The following MYO5B variants were observed in gnomAD, a reference collection of about 807,000 sequenced individuals.
The protein encoded by MYO5B is myosin VB.
In MYO5B, 143 loss-of-function variants were observed where a neutral mutation model predicts 229.3. The observed-to-expected ratio is 0.62, with a 90% confidence interval of 0.54 to 0.72. MYO5B has a LOEUF of 0.72. Among genes scored for constraint, MYO5B ranks in the 30% least tolerant of loss-of-function variants. The probability of loss-of-function intolerance (pLI) is 0.00; values close to 1 mark genes in which losing one functional copy is unlikely to be tolerated. For missense variants in MYO5B, 2,321 were observed against 2,331.0 expected (o/e 1.00, Z 0.09); for synonymous variants, 918 against 885.2 (o/e 1.04, Z -0.66).
At chr18:50,127,029 C>A (rs2032175158) in intron 1 of MYO5B, among the ~76,000 whole-genome samples, 1 of 152,184 alleles carries the variant, frequency 6.6e-6, no homozygotes, top group Non-Finnish European at 1.5e-5. Flanking sequence ...TTCTCATAAT[C>A]ATTATTACCT....
intron 25 of MYO5B, among the ~76,000 whole-genome samples, chr18:49,876,719 C>T (rs1017167304): frequency 3.3e-5 from 5 of 152,122 alleles, no homozygotes; most frequent in African/African-American, 9.7e-5. Context: ...CTTAAAAGAC[C>T]GCAATGCAAA....
chr18:49,871,740 T>G (rs1175114037), intron 27 of MYO5B: 2 of 253,962 alleles, frequency 7.9e-6, no homozygotes, highest in African/African-American at 4.4e-5. Flanking sequence ...TCTTTGAGGA[T>G]GGGAATGGGG....
At chr18:49,977,367 C>T (rs2144287476) in intron 9 of MYO5B, among the ~76,000 whole-genome samples, 1 of 152,172 alleles carries the variant, frequency 6.6e-6, no homozygotes, top group Non-Finnish European at 1.5e-5. Context: ...TCATGGAGCA[C>T]ATTCTCATGC....
intron 1 of MYO5B, among the ~76,000 whole-genome samples, chr18:50,169,106 A>G (rs1195247282): frequency 8.1e-6 from 1 of 123,108 alleles, no homozygotes; most frequent in Non-Finnish European, 1.7e-5. Flanking sequence ...AAGAATTGAG[A>G]CCATCCTGGG....
chr18:49,912,613 A>G (rs911028970), intron 17 of MYO5B, among the ~76,000 whole-genome samples: 4 of 152,180 alleles, frequency 2.6e-5, no homozygotes, highest in African/African-American at 9.7e-5. Flanking sequence ...TGGTGGTTTT[A>G]CAAGGGGTTT....
chr18:50,194,683 C>T, intron 1 of MYO5B, 84 bp downstream of exon 1: 1 of 1,000,442 alleles, frequency 1.0e-6, no homozygotes, highest in Non-Finnish European at 1.5e-6. Context: ...CTCCAGTAGC[C>T]GAGGGAGAAG....
In MYO5B at chr18:49,929,610, G is replaced by T; in HGVS notation, c.2004-12C>A. On this transcript the variant is annotated splice_polypyrimidine_tract_variant and intron_variant, in intron 16 of 39. Coordinates refer to ENST00000285039, the MANE Select transcript of MYO5B (RefSeq NM_001080467.3). ...TCTTTGGGTCAAAGCTGCCAAAGGA[G>T]AAAAAAAAAAAAAAAAGCAAGACAA... 2.6e-4 allele frequency: 340 copies of T among 1,288,030 alleles called. No homozygotes were observed. Among genetic ancestry groups the T allele is most frequent in the Non-Finnish European group, 3.3e-4 (311 of 944,174 alleles). The allele number at this position is 1,288,030 out of a possible 1,614,324, so 79.8% of individuals were successfully genotyped here.
chr18:49,965,106 T>C (rs1005063519), intron 10 of MYO5B, among the ~76,000 whole-genome samples: 11 of 152,162 alleles, frequency 7.2e-5, no homozygotes, highest in Admixed American at 4.6e-4. Context: ...TAGTTCTTAC[T>C]ACAGTAGGAA....
chr18:50,190,905 G>T (rs2033217517), intron 1 of MYO5B, among the ~76,000 whole-genome samples: 1 of 152,162 alleles, frequency 6.6e-6, no homozygotes. Flanking sequence ...TTAGCATAAT[G>T]GGTAATTATT....
intron 29 of MYO5B, among the ~76,000 whole-genome samples, chr18:49,860,016 G>T (rs1326273501): frequency 6.6e-6 from 1 of 152,176 alleles, no homozygotes; most frequent in South Asian, 2.1e-4. Context: ...ATAACCCCAG[G>T]TGCGCCCGAC....
At chr18:49,949,798 G>A (rs1483370370) in intron 14 of MYO5B, among the ~76,000 whole-genome samples, 1 of 152,134 alleles carries the variant, frequency 6.6e-6, no homozygotes, top group Admixed American at 6.5e-5. Context: ...TAATGACATA[G>A]AAACTTGTAT....
At chr18:50,103,732 C>T (rs1015452401) in intron 1 of MYO5B, among the ~76,000 whole-genome samples, 2 of 151,914 alleles carry the variant, frequency 1.3e-5, no homozygotes, top group Non-Finnish European at 2.9e-5. Flanking sequence ...CAGAGCAAGA[C>T]CTTGTCTCCT....
intron 1 of MYO5B, among the ~76,000 whole-genome samples, chr18:50,146,416 G>T (rs969154743): frequency 6.6e-6 from 1 of 152,210 alleles, no homozygotes; most frequent in African/African-American, 2.4e-5. Flanking sequence ...TGACCTGACT[G>T]CCCGCTGGAG....
intron 1 of MYO5B, chr18:50,097,572 G>C (rs975650297): frequency 4.1e-6 from 1 of 242,568 alleles, no homozygotes; most frequent in African/African-American, 2.3e-5. Context: ...TGTAAGTTCT[G>C]GTCTGTTAAA....
intron 9 of MYO5B, among the ~76,000 whole-genome samples, chr18:49,975,720 T>G (rs1334692804): frequency 1.3e-5 from 2 of 152,092 alleles, no homozygotes; most frequent in Non-Finnish European, 1.5e-5. Flanking sequence ...TTTAGGCCTC[T>G]TTTCCTACAG....
intron 1 of MYO5B, among the ~76,000 whole-genome samples, chr18:50,110,780 C>A (rs2031851509): frequency 6.6e-6 from 1 of 152,072 alleles, no homozygotes. Flanking sequence ...GGGCTATAAA[C>A]CACCTAGAAG....
chr18:49,992,439 G>A lies in MYO5B; in HGVS notation c.613-8C>T, dbSNP rs2025943701. On this transcript the variant is annotated splice_polypyrimidine_tract_variant and splice_region_variant and intron_variant, in intron 5 of 39. Coordinates refer to ENST00000285039, the MANE Select transcript of MYO5B (RefSeq NM_001080467.3). The stretch of plus-strand genomic sequence containing the variant: ...CTTGGCATTTCCAATGGCCTGCACA[G>A]ACCAGACAGACAAAGGTATGAAAAA... 6.2e-7 allele frequency: 1 copy of A among 1,613,904 alleles called. No individual in the cohort carries two copies. Among genetic ancestry groups the A allele is most frequent in the African/African-American group, 1.3e-5 (1 of 74,876 alleles).
chr18:50,034,773 CA>C (rs1485306842), intron 4 of MYO5B, among the ~76,000 whole-genome samples: 1 of 151,684 alleles, frequency 6.6e-6, no homozygotes, highest in African/African-American at 2.4e-5. Context: ...ACAAAAAAAC[CA>C]AAAAAACAAA....
At chr18:50,018,564 CACTTTCTG>C (rs1241093554) in intron 4 of MYO5B, among the ~76,000 whole-genome samples, 3 of 152,144 alleles carry the variant, frequency 2.0e-5, no homozygotes, top group African/African-American at 7.2e-5. Flanking sequence ...TCCGGGTAGG[CACTTTCTG>C]TATATCAATT....
Sources: allele counts gnomAD v4.1 joint callset (sites outside exome capture counted in the v4.1 genomes callset), GRCh38; gene constraint gnomAD v4.1.1; transcripts MANE v1.5; gene names NCBI Gene and HGNC (gene_info 2026-07-23, HGNC 2026-07-21).